Variants in CACNA1C observed in about 807,000 individuals in gnomAD.
CACNA1C encodes the protein voltage-dependent L-type calcium channel subunit alpha-1C.
CACNA1C carries 30 observed loss-of-function variants against 229.0 expected under a neutral mutation model. The ratio of observed to expected loss-of-function variants is 0.13; its 90% CI spans 0.10 to 0.18. CACNA1C has a LOEUF of 0.18. Among genes scored for constraint, CACNA1C ranks in the 10% least tolerant of loss-of-function variants. The pLI is 1.00. For synonymous variants in CACNA1C, 1,114 were observed against 1,132.5 expected, an observed-to-expected ratio of 0.98 and a Z score of 0.33; for missense variants, 1,658 against 2,845.0, an observed-to-expected ratio of 0.58 and a Z score of 9.49.
At chr12:2,194,743 G>T (rs895025975) in intron 3 of CACNA1C, among the ~76,000 whole-genome samples, 1 of 152,104 alleles carries the variant, frequency 6.6e-6, no homozygotes, top group South Asian at 2.1e-4. Context: ...ATGCAGGAAC[G>T]TTTCTCCCCA....
At chr12:2,321,038 T>C (rs2095965853) in intron 3 of CACNA1C, among the ~76,000 whole-genome samples, 1 of 152,192 alleles carries the variant, frequency 6.6e-6, no homozygotes, top group African/African-American at 2.4e-5. Flanking sequence ...CAGCCTATAA[T>C]CACGTATTTA....
chr12:2,023,525 T>G (rs1160461693), intron 1 of CACNA1C, among the ~76,000 whole-genome samples: 6 of 152,126 alleles, frequency 3.9e-5, no homozygotes, highest in Admixed American at 3.9e-4. Context: ...AGTGAGAACT[T>G]CCTCCTATTG....
At chr12:2,142,359 G>A (rs150130096) in intron 3 of CACNA1C, among the ~76,000 whole-genome samples, 1,879 of 151,232 alleles carry the variant, frequency 0.012, 88 homozygotes, top group Non-Finnish European at 0.02. Context: ...GTGGTGTGGT[G>A]CTGTTGTAAA....
At chr12:2,490,695 C>G (rs1032960360) in intron 6 of CACNA1C, among the ~76,000 whole-genome samples, 6 of 152,202 alleles carry the variant, frequency 3.9e-5, no homozygotes, top group African/African-American at 1.4e-4. Context: ...TTAGCCTCCC[C>G]CTTTTTTGTA....
Position 2,691,590 on chromosome 12 carries a change from G to C in CACNA1C, c.*391G>C, listed in dbSNP as rs1490946484. On this transcript the variant is annotated 3_prime_UTR_variant, in exon 47 of 47. Transcript: ENST00000399655. Reference sequence around the variant, plus strand: ...GAAACCATTTGCACATATTCTGTACGAGCCTCGCTGTCTCCCTAGAGCCAG... The same window carrying C: ...GAAACCATTTGCACATATTCTGTACCAGCCTCGCTGTCTCCCTAGAGCCAG... 1 of 170,834 alleles carries C rather than the reference G, an allele frequency of 5.9e-6. No homozygotes were observed. The highest frequency in any genetic ancestry group is 1.5e-4 in the East Asian group (1 of 6,542). 10.6% of individuals were successfully genotyped at this position (170,834 alleles called of 1,614,324 possible). A position where few individuals can be genotyped will look rare whatever the true frequency, so the allele number is the denominator to read the frequency against.
intron 3 of CACNA1C, among the ~76,000 whole-genome samples, chr12:2,438,183 GTGGGATA>G (rs1002704280): frequency 1.6e-4 from 4 of 24,622 alleles, no homozygotes; most frequent in Admixed American, 1.1e-3. Context: ...GGTGGGGATG[GTGGGATA>G]ATGACGGCGA....
At position 2,695,875 on chromosome 12, in the gene CACNA1C, C is replaced by CG. The variant is rs1453681445; in HGVS notation, c.*4681dup. The CG allele has an allele frequency of 1.3e-5, 2 of 152,166 alleles. No individual in the cohort carries two copies. Among genetic ancestry groups the CG allele is most frequent in the Non-Finnish European group, 2.9e-5 (2 of 68,036 alleles). The allele number at this position is 152,166 out of a possible 1,614,324, so 9.4% of individuals were successfully genotyped here. On this transcript the variant is annotated 3_prime_UTR_variant, in exon 47 of 47. Transcript: ENST00000399655. Reference sequence around the variant, plus strand: ...GGTTTCTGCCACATCTCTACATTGACGGGGGATGCTTGAACAACCCCCCTC... The same window carrying CG: ...GGTTTCTGCCACATCTCTACATTGACGGGGGGATGCTTGAACAACCCCCCTC...
intron 29 of CACNA1C, among the ~76,000 whole-genome samples, chr12:2,618,287 G>A (rs1386200911): frequency 6.6e-6 from 1 of 152,196 alleles, no homozygotes; most frequent in Non-Finnish European, 1.5e-5. Flanking sequence ...TACGAACTGT[G>A]GGCCAGGCCT....
chr12:2,274,117 C>T lies in CACNA1C; in HGVS notation c.477+153687C>T, dbSNP rs545121529. On this transcript the variant is annotated intron_variant, in intron 3 of 46. Coordinates refer to ENST00000399655, the MANE Select transcript of CACNA1C (RefSeq NM_000719.7). ...GGTGCTTGATAATGATCTAGAGCCT[C>T]GTGCCCTTATCTTCACGGCCTCCTC... Among the ~76,000 whole-genome samples, 5 of 152,318 alleles carry T rather than the reference C, an allele frequency of 3.3e-5. No individual in the cohort carries two copies. In the South Asian group the frequency reaches 8.3e-4, roughly 25 times the overall value.
At chr12:2,203,918 C>T (rs539340968) in intron 3 of CACNA1C, among the ~76,000 whole-genome samples, 5 of 152,324 alleles carry the variant, frequency 3.3e-5, no homozygotes, top group South Asian at 4.1e-4. Flanking sequence ...GTCTTTGCTG[C>T]GTGTGATTTC....
chr12:2,458,662 G>A (rs2099464054), intron 5 of CACNA1C, among the ~76,000 whole-genome samples: 2 of 152,216 alleles, frequency 1.3e-5, no homozygotes, highest in Non-Finnish European at 2.9e-5. Flanking sequence ...GGGACAGGAA[G>A]ACAGAGGACC....
chr12:2,341,033 G>GGGGA (rs2096847665), intron 3 of CACNA1C, among the ~76,000 whole-genome samples: 1 of 152,208 alleles, frequency 6.6e-6, no homozygotes, highest in Non-Finnish European at 1.5e-5. Context: ...CACTCCCTAG[G>GGGGA]GGGAGTGGAC....
rs2099788010 is a variant in CACNA1C, at chr12:2,512,961, T to G, written c.1367T>G (p.Met456Arg). The G allele has an allele frequency of 6.2e-7, 1 of 1,607,370 alleles. No homozygotes were observed. Among genetic ancestry groups the G allele is most frequent in the Non-Finnish European group, 8.5e-7 (1 of 1,176,920 alleles). Reference sequence around the variant, plus strand: ...GATCCTGAGAATGAGGACGAAGGCATGGATGAGGAGAAGCCCCGAAACAGT... The same window carrying G: ...GATCCTGAGAATGAGGACGAAGGCAGGGATGAGGAGAAGCCCCGAAACAGT... ...DIDPENEDEG[M>R]DEEKPRNMSM... The change falls in exon 9 of 47, where the codon ATG (methionine) becomes AGG (arginine). Residue 456 changes from methionine (M) to arginine (R), a missense_variant. Met to Arg is a moderately conservative substitution (Grantham distance 91). Around this residue, in one of 20 missense-constraint regions of CACNA1C, gnomAD observed 149 missense variants for 194.2 expected, o/e 0.77. Coordinates refer to ENST00000399655, the MANE Select transcript of CACNA1C (RefSeq NM_000719.7). The surrounding 1 kb of genome is among the most constrained non-coding windows in gnomAD (Gnocchi z 4.3).
intron 3 of CACNA1C, among the ~76,000 whole-genome samples, chr12:2,350,487 T>C (rs2097173456): frequency 6.6e-6 from 1 of 152,216 alleles, no homozygotes; most frequent in African/African-American, 2.4e-5. Context: ...TCTGTCTCTT[T>C]CATCTCTAAG....
At chr12:2,317,511 G>A (rs1344025632) in intron 3 of CACNA1C, among the ~76,000 whole-genome samples, 1 of 152,130 alleles carries the variant, frequency 6.6e-6, no homozygotes, top group African/African-American at 2.4e-5. Flanking sequence ...GGAATGGGGA[G>A]CTATTGAAGG....
At chr12:2,213,007 C>T (rs1335464283) in intron 3 of CACNA1C, among the ~76,000 whole-genome samples, 2 of 152,160 alleles carry the variant, frequency 1.3e-5, no homozygotes, top group African/African-American at 2.4e-5. Flanking sequence ...CACAGTGGCT[C>T]CTCTGGCGGT....
chr12:2,644,497 G>A lies in CACNA1C; in HGVS notation c.3913-3978G>A, dbSNP rs183916349. Among the ~76,000 whole-genome samples the A allele has an allele frequency of 1.2e-3, 186 of 152,110 alleles. 1 individual carries two copies. The highest frequency in any genetic ancestry group is 4.0e-3 in the African/African-American group (166 of 41,498). ...AATAATTTTTAAAAAACTTTTTTTC[G>A]TATGGTGAAGAGCTATTTTTCAACT... On this transcript the variant is annotated intron_variant, in intron 30 of 46. Coordinates refer to ENST00000399655, the MANE Select transcript of CACNA1C (RefSeq NM_000719.7).
At chr12:2,524,582 T>C (rs2099815450) in intron 9 of CACNA1C, among the ~76,000 whole-genome samples, 2 of 152,138 alleles carry the variant, frequency 1.3e-5, no homozygotes, top group South Asian at 4.2e-4. Flanking sequence ...CACGGTGGAG[T>C]GTGAGCTGGG....
At chr12:2,114,833 A>G (rs2083202385) in intron 1 of CACNA1C, among the ~76,000 whole-genome samples, 1 of 152,206 alleles carries the variant, frequency 6.6e-6, no homozygotes, top group Admixed American at 6.5e-5. Flanking sequence ...TTAAACAATC[A>G]TTCTATTCGA....
Sources: gnomAD v4.1 joint callset for allele counts (sites outside exome capture counted in the v4.1 genomes callset) on GRCh38, gnomAD v4.1.1 for gene constraint, gnomAD v4.1.1 regional missense constraint, Gnocchi (gnomAD v3.1) non-coding constraint, MANE v1.5 for transcripts, NCBI Gene and HGNC (gene_info 2026-07-23, HGNC 2026-07-21) for gene names.